SCMH1: variants seen among roughly 807,000 people sequenced by gnomAD.
The protein encoded by SCMH1 is Scm polycomb group protein homolog 1.
A neutral mutation model predicts 70.8 loss-of-function variants in SCMH1; 37 were observed. The observed-to-expected ratio is 0.52, with a 90% CI of 0.40 to 0.69. SCMH1 has a LOEUF of 0.69. Ranked by LOEUF, SCMH1 falls within the 30% of genes least tolerant of loss-of-function variation. SCMH1 has a pLI of 0.00. For synonymous variants in SCMH1, 292 were observed against 307.4 expected (o/e 0.95, Z 0.52); for missense variants, 607 against 827.3 (o/e 0.73, Z 3.27).
intron 6 of SCMH1, among the ~76,000 whole-genome samples, chr1:41,120,393 C>T (rs1572328142): frequency 2.0e-5 from 3 of 152,270 alleles, no homozygotes; most frequent in South Asian, 2.1e-4. Context: ...ATTATCCCTA[C>T]TCTACAGATG....
intron 11 of SCMH1, among the ~76,000 whole-genome samples, chr1:41,047,292 CA>C (rs1646980713): frequency 6.6e-6 from 1 of 151,702 alleles, no homozygotes; most frequent in Non-Finnish European, 1.5e-5. Flanking sequence ...TAAAGAAGGC[CA>C]GGTTCCTACA....
intron 1 of SCMH1, among the ~76,000 whole-genome samples, chr1:41,207,148 C>G (rs1440726139): frequency 6.6e-6 from 1 of 152,140 alleles, no homozygotes; most frequent in East Asian, 1.9e-4. Context: ...GGCAAATAAC[C>G]AGCTATCATC....
chr1:41,085,117 A>G (rs996449641), intron 8 of SCMH1, among the ~76,000 whole-genome samples: 3 of 151,628 alleles, frequency 2.0e-5, no homozygotes, highest in Admixed American at 6.6e-5. Flanking sequence ...CCTAAAACTT[A>G]AAGTATAATA....
intron 8 of SCMH1, among the ~76,000 whole-genome samples, chr1:41,079,714 G>A (rs1659423896): frequency 6.6e-6 from 1 of 152,024 alleles, no homozygotes; most frequent in Non-Finnish European, 1.5e-5. Context: ...CAAATTAGTT[G>A]AGCATGGTGT....
intron 1 of SCMH1, among the ~76,000 whole-genome samples, chr1:41,215,349 C>T (rs1279927605): frequency 1.3e-5 from 2 of 152,124 alleles, no homozygotes; most frequent in Non-Finnish European, 2.9e-5. Flanking sequence ...TCCATGTACC[C>T]TACAAGATAA....
Position 41,143,131 on chromosome 1 carries a change from G to GAAT in SCMH1, c.178-20_178-19insATT. 1 of 1,600,780 alleles carries GAAT rather than the reference G, an allele frequency of 6.2e-7. No individual in the cohort carries two copies. The highest frequency in any genetic ancestry group is 8.6e-7 in the Non-Finnish European group (1 of 1,168,078). ...TGTAGGACTGGGAAAAACAAGGCAT[G>GAAT]AGGTATAGACAGATTAAGAGTAAAA... On this transcript the variant is annotated intron_variant, in intron 5 of 14. Transcript: ENST00000337495.
At chr1:41,126,669 C>T (rs1673250786) in intron 6 of SCMH1, among the ~76,000 whole-genome samples, 1 of 152,100 alleles carries the variant, frequency 6.6e-6, no homozygotes, top group Non-Finnish European at 1.5e-5. Context: ...ATACTTTCTG[C>T]AACTTTCTTT....
chr1:41,048,742 C>T (rs1452643505), exon 11 of SCMH1: 1 of 1,614,172 alleles, frequency 6.2e-7, no homozygotes, highest in South Asian at 1.1e-5. Context: ...AGACGGTTTT[C>T]TGGTGATAAG....
intron 1 of SCMH1, among the ~76,000 whole-genome samples, chr1:41,219,751 G>A (rs565691369): frequency 2.8e-4 from 43 of 152,188 alleles, no homozygotes; most frequent in Middle Eastern, 3.4e-3. Context: ...CCAACACGGC[G>A]AAACCGTCCC....
rs1348709123 is a variant in SCMH1 at position 41,220,626 on chromosome 1, CAT to C, written c.-118+21431_-118+21432del. ...CACAATTTGTTTAGCTTTGTTAACA[CAT>C]GTTACGGTGACTTCTACATGCTAGG... On this transcript the variant is annotated intron_variant, in intron 1 of 14. Transcript: ENST00000337495. 2.6e-5 allele frequency among the ~76,000 whole-genome samples: 4 copies of C among 152,212 alleles called. No homozygotes were observed. The South Asian group carries it at 6.2e-4, about 24-fold the overall frequency.
intron 1 of SCMH1, among the ~76,000 whole-genome samples, chr1:41,218,572 A>G (rs1658580898): frequency 6.6e-6 from 1 of 152,192 alleles, no homozygotes; most frequent in Non-Finnish European, 1.5e-5. Context: ...TTAGACTTCT[A>G]GCCTCCAGAC....
intron 8 of SCMH1, among the ~76,000 whole-genome samples, chr1:41,106,798 T>C (rs1436013430): frequency 6.6e-6 from 1 of 151,842 alleles, no homozygotes; most frequent in African/African-American, 2.4e-5. Context: ...CAAGCGATTC[T>C]CCTGCCTCAG....
At chr1:41,089,607 C>T (rs966045993) in intron 8 of SCMH1, among the ~76,000 whole-genome samples, 2 of 152,074 alleles carry the variant, frequency 1.3e-5, no homozygotes, top group Non-Finnish European at 2.9e-5. Flanking sequence ...CCTGTTAAAA[C>T]ATGCTTCAGA....
chr1:41,028,360 C>T (rs775701376), intron 14 of SCMH1, 41 bp from the exon 16 acceptor site: 4 of 1,609,314 alleles, frequency 2.5e-6, no homozygotes, highest in Non-Finnish European at 3.4e-6. Context: ...AGGGAGGCAC[C>T]ATCAGAGTCC....
intron 11 of SCMH1, 100 bp from the exon 12 acceptor site, chr1:41,046,698 GT>G: frequency 1.1e-6 from 1 of 903,358 alleles, no homozygotes; most frequent in Non-Finnish European, 1.8e-6. Flanking sequence ...GGCTTACCTG[GT>G]TACACAAAGG....
intron 6 of SCMH1, among the ~76,000 whole-genome samples, chr1:41,124,634 G>T (rs923085685): frequency 6.6e-6 from 1 of 151,634 alleles, no homozygotes; most frequent in East Asian, 1.9e-4. Context: ...TTGAGACAGG[G>T]TCTTTCTCTG....
chr1:41,047,336 G>A (rs1646988366), intron 11 of SCMH1, among the ~76,000 whole-genome samples: 1 of 151,598 alleles, frequency 6.6e-6, no homozygotes, highest in Non-Finnish European at 1.5e-5. Context: ...AGAGACCAGG[G>A]AGTAGGCTGG....
intron 13 of SCMH1, among the ~76,000 whole-genome samples, chr1:41,034,870 C>G (rs1355177655): frequency 1.3e-5 from 2 of 152,164 alleles, no homozygotes; most frequent in Admixed American, 6.5e-5. Flanking sequence ...GTTTCTGCCC[C>G]TTGGTAAATG....
intron 13 of SCMH1, among the ~76,000 whole-genome samples, chr1:41,034,365 TC>T (rs1282936891): frequency 2.0e-5 from 3 of 151,738 alleles, no homozygotes; most frequent in Non-Finnish European, 4.4e-5. Flanking sequence ...TCTCACTCTG[TC>T]CCCCAGGCTG....
Sources: gnomAD v4.1 joint callset for allele counts (sites outside exome capture counted in the v4.1 genomes callset) on GRCh38, gnomAD v4.1.1 for gene constraint, MANE v1.5 for transcripts, NCBI Gene and HGNC (gene_info 2026-07-23, HGNC 2026-07-21) for gene names.